Variants in PRDM5 observed in about 807,000 individuals in gnomAD.
PRDM5 encodes the protein PR/SET domain 5, also known as PR domain zinc finger protein 5.
PRDM5 carries 56 observed loss-of-function variants against 81.2 expected under a neutral mutation model. The ratio of observed to expected loss-of-function variants is 0.69; its 90% CI spans 0.56 to 0.86. The LOEUF (loss-of-function observed/expected upper bound fraction) is 0.86. Ranked by LOEUF, PRDM5 falls within the 40% of genes least tolerant of loss-of-function variation. PRDM5 has a pLI of 0.00. For synonymous variants in PRDM5, 267 were observed against 256.4 expected, an observed-to-expected ratio of 1.04 and a Z score of -0.39; for missense variants, 697 against 770.1, an observed-to-expected ratio of 0.91 and a Z score of 1.12.
At chr4:120,763,219 C>G (rs761778141) in intron 13 of PRDM5, among the ~76,000 whole-genome samples, 1 of 151,854 alleles carries the variant, frequency 6.6e-6, no homozygotes, top group Non-Finnish European at 1.5e-5. Flanking sequence ...ACTTTTCAGT[C>G]GGAAATCATA....
chr4:120,811,495 A>G lies in PRDM5; in HGVS notation c.866-46T>C, dbSNP rs762840193. ...CATGATGATTTAAATGAGACTATTA[A>G]GAGGAAAAACAAATAGTGTTTCGAG... On this transcript the variant is annotated intron_variant, in intron 7 of 15. Coordinates refer to ENST00000264808, the MANE Select transcript of PRDM5 (RefSeq NM_018699.4). 1.1e-5 allele frequency: 14 copies of G among 1,254,032 alleles called. No homozygotes were observed. The South Asian group carries it at 1.8e-4, about 16-fold the overall frequency. The allele number at this position is 1,254,032 out of a possible 1,614,324, so 77.7% of individuals were successfully genotyped here.
chr4:120,718,683 T>TA (rs150503310), intron 14 of PRDM5, among the ~76,000 whole-genome samples: 1 of 152,134 alleles, frequency 6.6e-6, no homozygotes, highest in Non-Finnish European at 1.5e-5. Flanking sequence ...GTGTTTTATT[T>TA]AAAAAAATCC....
At chr4:120,744,207 A>C (rs1019087045) in intron 14 of PRDM5, among the ~76,000 whole-genome samples, 3 of 152,106 alleles carry the variant, frequency 2.0e-5, no homozygotes, top group Admixed American at 2.0e-4. Flanking sequence ...ATGAAGGCAG[A>C]AATAAAGATG....
chr4:120,809,249 G>A (rs982038833), intron 8 of PRDM5, among the ~76,000 whole-genome samples: 2 of 138,560 alleles, frequency 1.4e-5, no homozygotes, highest in Non-Finnish European at 3.1e-5. Context: ...GTCGTGGGGT[G>A]AGGGGAGGGG....
intron 8 of PRDM5, 71 bp from the exon 9 acceptor site, chr4:120,799,816 G>C (rs1160813207): frequency 1.3e-6 from 2 of 1,565,828 alleles, no homozygotes; most frequent in Non-Finnish European, 1.7e-6. Context: ...TCAAGCAAAA[G>C]TGTAAACATG....
intron 14 of PRDM5, among the ~76,000 whole-genome samples, chr4:120,725,274 G>GT (rs34278955): frequency 0.11 from 16,593 of 144,990 alleles, 1,190 homozygotes; most frequent in Non-Finnish European, 0.17. Context: ...ATATACAGTT[G>GT]TTTTTTTTTT....
intron 2 of PRDM5, among the ~76,000 whole-genome samples, chr4:120,882,088 G>A (rs377701619): frequency 2.1e-4 from 32 of 152,170 alleles, no homozygotes; most frequent in African/African-American, 6.8e-4. Context: ...CTCGCTCAGC[G>A]GGGTCCTAAG....
chr4:120,733,675 G>A (rs534331279), intron 14 of PRDM5, among the ~76,000 whole-genome samples: 71 of 152,196 alleles, frequency 4.7e-4, no homozygotes, highest in Non-Finnish European at 9.7e-4. Context: ...ACTCCAGGTG[G>A]CTGAGACCAG....
intron 2 of PRDM5, among the ~76,000 whole-genome samples, chr4:120,878,763 G>A (rs1762563642): frequency 6.6e-6 from 1 of 152,020 alleles, no homozygotes; most frequent in Non-Finnish European, 1.5e-5. Flanking sequence ...ATGAACAAAT[G>A]ACAAATAAGT....
intron 13 of PRDM5, among the ~76,000 whole-genome samples, chr4:120,764,074 T>C (rs953329749): frequency 6.6e-6 from 1 of 151,840 alleles, no homozygotes; most frequent in Admixed American, 6.6e-5. Context: ...GGAAATCAAA[T>C]CTCCTTTTAT....
chr4:120,822,343 T>C (rs972182011), intron 3 of PRDM5, among the ~76,000 whole-genome samples: 1 of 152,182 alleles, frequency 6.6e-6, no homozygotes, highest in African/African-American at 2.4e-5. Flanking sequence ...TGAACCTTCA[T>C]AGTGGCAAAG....
chr4:120,841,656 A>G (rs1051394223), intron 3 of PRDM5, among the ~76,000 whole-genome samples: 1 of 152,224 alleles, frequency 6.6e-6, no homozygotes, highest in Non-Finnish European at 1.5e-5. Flanking sequence ...GGCAACAAGT[A>G]GTATATGTGC....
At chr4:120,900,496 TATCTGTTCTTCATTGGTTCAA>T (rs529708742) in intron 2 of PRDM5, among the ~76,000 whole-genome samples, 5 of 152,340 alleles carry the variant, frequency 3.3e-5, no homozygotes, top group African/African-American at 1.2e-4. Flanking sequence ...ATCTGGTTCC[TATCTGTTCTTCATTGGTTCAA>T]ATTAATAACC....
chr4:120,740,921 C>T (rs558723748), intron 14 of PRDM5, among the ~76,000 whole-genome samples: 9 of 152,212 alleles, frequency 5.9e-5, no homozygotes, highest in Non-Finnish European at 1.2e-4. Context: ...CATGTATCCT[C>T]AAACTCAGTT....
chr4:120,733,547 G>C (rs1413645153), intron 14 of PRDM5, among the ~76,000 whole-genome samples: 1 of 152,184 alleles, frequency 6.6e-6, no homozygotes, highest in Non-Finnish European at 1.5e-5. Flanking sequence ...CCCTGGGGCA[G>C]AGCCAGATGC....
In PRDM5 at chr4:120,794,655, G is replaced by A. The variant is rs1188416340; in HGVS notation, c.1188+3612C>T. Among the ~76,000 whole-genome samples, 11 of 142,698 alleles carry A rather than the reference G, an allele frequency of 7.7e-5. No homozygotes were observed. The South Asian group carries it at 2.0e-3, about 26-fold the overall frequency. 93.6% of individuals were successfully genotyped at this position (142,698 alleles called of 152,430 possible). ...TTTTTTTTTTTTAAGACGGAGTTTC[G>A]CTCTGTTGCTCAGGCTGGAGTGCAG... On this transcript the variant is annotated intron_variant, in intron 10 of 15. Coordinates refer to ENST00000264808, the MANE Select transcript of PRDM5 (RefSeq NM_018699.4).
chr4:120,689,191 C>T (rs1487388231), downstream of PRDM5, among the ~76,000 whole-genome samples: 2 of 152,120 alleles, frequency 1.3e-5, no homozygotes, highest in Non-Finnish European at 2.9e-5. Context: ...TTTGTAGACC[C>T]CAATTTCATA....
chr4:120,781,085 T>C (rs1748967091), intron 12 of PRDM5, 58 bp downstream of exon 12: 1 of 1,426,996 alleles, frequency 7.0e-7, no homozygotes, highest in Non-Finnish European at 9.8e-7. Context: ...AGTTAACATA[T>C]ATACCCATAC....
At chr4:120,706,873 C>G (rs71600495) in intron 15 of PRDM5, among the ~76,000 whole-genome samples, 2 of 150,258 alleles carry the variant, frequency 1.3e-5, no homozygotes, top group African/African-American at 4.9e-5. Context: ...CCAAAACTGA[C>G]CCATGAAGAA....
Sources: gnomAD v4.1 joint callset for allele counts (sites outside exome capture counted in the v4.1 genomes callset) on GRCh38, gnomAD v4.1.1 for gene constraint, MANE v1.5 for transcripts, NCBI Gene and HGNC (gene_info 2026-07-23, HGNC 2026-07-21) for gene names.